Variants in SEC31B observed in about 807,000 individuals in gnomAD.
SEC31B encodes the protein protein transport protein Sec31B.
Under a neutral mutation model 135.0 loss-of-function variants are expected in SEC31B, and 113 were observed. The ratio of observed to expected loss-of-function variants is 0.84; its 90% confidence interval spans 0.72 to 0.98. The LOEUF is 0.98. Ranked by LOEUF, SEC31B falls within the 50% of genes least tolerant of loss-of-function variation. SEC31B has a pLI of 0.00. For missense variants in SEC31B, 1,296 were observed against 1,421.1 expected (o/e 0.91, Z 1.42); for synonymous variants, 508 against 549.4 (o/e 0.92, Z 1.05).
chr10:100,498,557 C>A (rs1255188391), intron 14 of SEC31B, 148 bp downstream of exon 14: 5 of 632,156 alleles, frequency 7.9e-6, no homozygotes, highest in Non-Finnish European at 1.4e-5. Flanking sequence ...CCAGAGAGAG[C>A]TCTAACTGGT....
intron 17 of SEC31B, 99 bp downstream of exon 17, chr10:100,497,036 T>G: frequency 6.9e-7 from 1 of 1,445,638 alleles, no homozygotes; most frequent in Non-Finnish European, 9.4e-7. Flanking sequence ...GGTTCCAGCC[T>G]GTCCCAGAAG....
Position 100,513,163 on chromosome 10 carries a change from G to A in SEC31B, c.203+2933C>T, listed in dbSNP as rs181861958. On this transcript the variant is annotated intron_variant, in intron 3 of 25. Coordinates refer to ENST00000370345, the MANE Select transcript of SEC31B (RefSeq NM_015490.4). ...TGTCTAAGATGATTTCTTCAGAAAG[G>A]CCCCAACAGGGCTGTGTCAAAGGTA... Among the ~76,000 whole-genome samples, 8 of 152,342 alleles carry A rather than the reference G, an allele frequency of 5.3e-5. No individual in the cohort carries two copies. The East Asian group carries it at 1.5e-3, about 29-fold the overall frequency.
chr10:100,492,117 C>T (rs770873110), intron 19 of SEC31B, among the ~76,000 whole-genome samples: 1 of 152,216 alleles, frequency 6.6e-6, no homozygotes, highest in African/African-American at 2.4e-5. Context: ...TCCTTGGTCT[C>T]ATAAAGAGCA....
At chr10:100,489,916 T>C (rs1347070954) in intron 21 of SEC31B, 92 bp downstream of exon 21, 1 of 1,534,894 alleles carries the variant, frequency 6.5e-7, no homozygotes, top group East Asian at 2.3e-5. Flanking sequence ...AACAGGGCCC[T>C]AGCCCTCTGA....
chr10:100,513,727 C>T (rs770656846), intron 3 of SEC31B, among the ~76,000 whole-genome samples: 18 of 152,122 alleles, frequency 1.2e-4, no homozygotes, highest in Non-Finnish European at 2.1e-4. Flanking sequence ...GTCTCAGCCT[C>T]CCAAAGTGCT....
intron 3 of SEC31B, among the ~76,000 whole-genome samples, chr10:100,511,822 CAGT>C (rs1346675440): frequency 6.6e-6 from 1 of 151,960 alleles, no homozygotes; most frequent in Admixed American, 6.6e-5. Context: ...GTGATTAAGG[CAGT>C]ACTCCAAGCT....
At position 100,516,603 on chromosome 10, in the gene SEC31B, C is replaced by T. The variant is rs554010738; in HGVS notation, c.79+271G>A. Among the ~76,000 whole-genome samples, 4 of 141,656 alleles carry T rather than the reference C, an allele frequency of 2.8e-5. No homozygotes were observed. The South Asian group carries it at 9.2e-4, about 33-fold the overall frequency. The allele number at this position is 141,656 out of a possible 152,430, so 92.9% of individuals were successfully genotyped here. On this transcript the variant is annotated intron_variant, in intron 2 of 25. Transcript: ENST00000370345. ...GGCGGAGCTTGCAGTGAGCCAAGAT[C>T]GCGCCACTGCACTCCAGCCTGAGCG...
At chr10:100,508,409 G>A (rs1851673084) in intron 5 of SEC31B, 2 of 495,572 alleles carry the variant, frequency 4.0e-6, no homozygotes, top group African/African-American at 1.9e-5. Context: ...CCAAGAGAGA[G>A]TGAGGCCGAG....
In SEC31B at chr10:100,498,022, C is replaced by A. The variant is rs1213861597; in HGVS notation, c.1863+7G>T. On this transcript the variant is annotated splice_region_variant and intron_variant, in intron 15 of 25. Coordinates refer to ENST00000370345, the MANE Select transcript of SEC31B (RefSeq NM_015490.4). ...CTCCCTTCTTCTCCTGCATGATGGG[C>A]AGTTACCGAGGAGATTTTGGTTTTC... The A allele has an allele frequency of 8.1e-6, 13 of 1,613,924 alleles. No individual in the cohort carries two copies. The highest frequency in any genetic ancestry group is 1.1e-5 in the Non-Finnish European group (13 of 1,179,852).
chr10:100,489,280 G>T lies in SEC31B; in HGVS notation c.3143C>A (p.Pro1048Gln), dbSNP rs201352890. 2 of 1,611,294 alleles carry T rather than the reference G, an allele frequency of 1.2e-6. No individual in the cohort carries two copies. Among genetic ancestry groups the T allele is most frequent in the East Asian group, 4.5e-5 (2 of 44,856 alleles). ...PPVSSVSHAP[P>Q]GVPGELSLQL... Reference sequence around the variant, plus strand: ...CAGGCTGAGTTCTCCTGGAACTCCTGGGGGAGCATGACTCACACTGGAGAC... The same window carrying T: ...CAGGCTGAGTTCTCCTGGAACTCCTTGGGGAGCATGACTCACACTGGAGAC... The change falls in exon 23 of 26, where the codon CCA becomes CAA. Residue 1048 changes from proline (P) to glutamine (Q), a missense_variant. Pro to Gln is a moderately conservative substitution (Grantham distance 76). Coordinates refer to ENST00000370345, the MANE Select transcript of SEC31B (RefSeq NM_015490.4).
intron 3 of SEC31B, among the ~76,000 whole-genome samples, chr10:100,514,898 T>C (rs1398173923): frequency 6.6e-6 from 1 of 150,944 alleles, no homozygotes; most frequent in African/African-American, 2.4e-5. Context: ...GGAGAATCCC[T>C]TGAACCTGGG....
At position 100,489,960 on chromosome 10, in the gene SEC31B, C is replaced by A; in HGVS notation, c.2965+48G>T. 10 of 1,532,644 alleles carry A rather than the reference C, an allele frequency of 6.5e-6. No homozygotes were observed. The South Asian group carries it at 1.0e-4, about 16-fold the overall frequency. 94.9% of individuals were successfully genotyped at this position (1,532,644 alleles called of 1,614,324 possible). ...AAGACTCCCAAAGTAGTGAGAGGAG[C>A]AGGGGAGGCAATAACCCAGAAGAGG... is the stretch of plus-strand genomic sequence containing the variant. On this transcript the variant is annotated intron_variant, in intron 21 of 25. Coordinates refer to ENST00000370345, the MANE Select transcript of SEC31B (RefSeq NM_015490.4).
chr10:100,505,996 A>C (rs1194810289), intron 9 of SEC31B, 44 bp downstream of exon 9: 24 of 1,610,638 alleles, frequency 1.5e-5, no homozygotes, highest in Non-Finnish European at 2.0e-5. Flanking sequence ...CCACAAACAG[A>C]GACAGCCCCT....
intron 5 of SEC31B, chr10:100,508,433 G>T: frequency 2.1e-6 from 1 of 479,842 alleles, no homozygotes; most frequent in South Asian, 1.5e-5. Flanking sequence ...AAAACCACAA[G>T]ATGCTATCAA....
rs116652770 is a variant in SEC31B, at chr10:100,496,185, G to T, written c.2310+73C>A. The T allele has an allele frequency of 7.1e-4, 1,071 of 1,515,090 alleles. 4 individuals are homozygous for T. In the African/African-American group the frequency reaches 0.012, roughly 17 times the overall value. The allele number at this position is 1,515,090 out of a possible 1,614,324, so 93.9% of individuals were successfully genotyped here. On this transcript the variant is annotated intron_variant, in intron 18 of 25. Transcript: ENST00000370345. Reference sequence around the variant, plus strand: ...AGCTTCAGCATTAGCATAGTGCCTGGAATATGGAAGTGCTCAATCAATGTT... The same window carrying T: ...AGCTTCAGCATTAGCATAGTGCCTGTAATATGGAAGTGCTCAATCAATGTT...
chr10:100,507,575 C>T lies in SEC31B; in HGVS notation c.640-8G>A, dbSNP rs1412584555. 1 of 1,614,100 alleles carries T rather than the reference C, an allele frequency of 6.2e-7. No individual in the cohort carries two copies. The highest frequency in any genetic ancestry group is 1.1e-5 in the South Asian group (1 of 91,082). On this transcript the variant is annotated splice_polypyrimidine_tract_variant and splice_region_variant and intron_variant, in intron 6 of 25. Transcript: ENST00000370345. The stretch of plus-strand genomic sequence containing the variant: ...CAGGCCTGAGCAGTGCATCTGTGAA[C>T]AAAGCAGATCCCAATGGGTGCTGTA...
chr10:100,516,788 C>A, intron 2 of SEC31B, 86 bp downstream of exon 2: 3 of 1,015,710 alleles, frequency 3.0e-6, no homozygotes, highest in Non-Finnish European at 4.6e-6. Context: ...AGAGCTTTCT[C>A]TGATGTTCAA....
intron 14 of SEC31B, 76 bp downstream of exon 14, chr10:100,498,628 GA>G: frequency 9.8e-7 from 1 of 1,020,352 alleles, no homozygotes; most frequent in Non-Finnish European, 1.5e-6. Flanking sequence ...GACAAGAAGG[GA>G]ATGTCTCAAG....
intron 3 of SEC31B, among the ~76,000 whole-genome samples, chr10:100,513,638 T>G (rs1220338573): frequency 1.3e-5 from 2 of 151,584 alleles, no homozygotes; most frequent in South Asian, 4.2e-4. Context: ...CCCAGCTAAT[T>G]TTTGCATTTT....
Sources: allele counts gnomAD v4.1 joint callset (sites outside exome capture counted in the v4.1 genomes callset), GRCh38; gene constraint gnomAD v4.1.1; transcripts MANE v1.5; gene names NCBI Gene and HGNC (gene_info 2026-07-23, HGNC 2026-07-21).